Variants in CACNA2D3 observed in about 807,000 individuals in gnomAD.
The protein encoded by CACNA2D3 is calcium voltage-gated channel auxiliary subunit alpha2delta 3, also known as voltage-dependent calcium channel subunit alpha-2/delta-3.
CACNA2D3 carries 60 observed loss-of-function variants against 160.6 expected under a neutral mutation model. The observed-to-expected ratio is 0.37, with a 90% confidence interval of 0.30 to 0.46. The LOEUF (loss-of-function observed/expected upper bound fraction) is 0.46. CACNA2D3 is among the 20% of genes least tolerant of loss of function. The pLI is 1.00. For missense variants in CACNA2D3, 1,205 were observed against 1,365.0 expected (o/e 0.88, Z 1.85); for synonymous variants, 558 against 492.9 (o/e 1.13, Z -1.75).
At chr3:54,616,132 C>G (rs1289490751) in intron 9 of CACNA2D3, among the ~76,000 whole-genome samples, 1 of 152,154 alleles carries the variant, frequency 6.6e-6, no homozygotes, top group Admixed American at 6.6e-5. Context: ...AAACAACAAA[C>G]ATTTATTATC....
intron 3 of CACNA2D3, among the ~76,000 whole-genome samples, chr3:54,363,712 A>G (rs1453788143): frequency 6.6e-6 from 1 of 152,196 alleles, no homozygotes; most frequent in Non-Finnish European, 1.5e-5. Context: ...AGTCGTCTCA[A>G]GGTTCTTTGG....
At chr3:54,736,133 A>G (rs1426075320) in intron 11 of CACNA2D3, among the ~76,000 whole-genome samples, 41 of 75,358 alleles carry the variant, frequency 5.4e-4, no homozygotes, top group African/African-American at 1.9e-3. Flanking sequence ...ATATATATGT[A>G]TATATATACA....
intron 9 of CACNA2D3, among the ~76,000 whole-genome samples, chr3:54,588,564 C>T (rs1702804164): frequency 6.6e-6 from 1 of 151,992 alleles, no homozygotes; most frequent in Non-Finnish European, 1.5e-5. Flanking sequence ...AGAATCTACA[C>T]ACAAAAAAAT....
At chr3:54,434,094 C>T (rs1700027600) in intron 4 of CACNA2D3, among the ~76,000 whole-genome samples, 1 of 152,178 alleles carries the variant, frequency 6.6e-6, no homozygotes, top group Non-Finnish European at 1.5e-5. Context: ...TCCATTTCCT[C>T]CTTGGTGGAA....
chr3:54,987,806 T>C (rs901144505), intron 31 of CACNA2D3, 53 bp downstream of exon 31: 3 of 1,367,538 alleles, frequency 2.2e-6, no homozygotes, highest in Non-Finnish European at 3.0e-6. Flanking sequence ...CTAAATAAAA[T>C]AAAACAAGCC....
chr3:54,841,993 A>C (rs1167062980), intron 16 of CACNA2D3, among the ~76,000 whole-genome samples: 1 of 152,230 alleles, frequency 6.6e-6, no homozygotes, highest in Non-Finnish European at 1.5e-5. Context: ...AATGGACAGG[A>C]AGACTGGTTC....
intron 35 of CACNA2D3, among the ~76,000 whole-genome samples, chr3:55,059,460 T>A (rs1033682009): frequency 6.6e-6 from 1 of 152,204 alleles, no homozygotes; most frequent in African/African-American, 2.4e-5. Context: ...TTGTCTGTTC[T>A]GGCTGTGGCT....
At chr3:54,950,759 C>G (rs1200068720) in intron 27 of CACNA2D3, among the ~76,000 whole-genome samples, 1 of 152,154 alleles carries the variant, frequency 6.6e-6, no homozygotes, top group Non-Finnish European at 1.5e-5. Flanking sequence ...GCCTCAGATA[C>G]CAATATCTTG....
Position 54,151,523 on chromosome 3 carries a change from C to A in CACNA2D3, c.204+27929C>A, listed in dbSNP as rs546608602. On this transcript the variant is annotated intron_variant, in intron 2 of 37. Coordinates refer to ENST00000474759, the MANE Select transcript of CACNA2D3 (RefSeq NM_018398.3). ...GGCCTTGGAATTATTGGCCATTCTC[C>A]TGGGCAGTTGTTCTATCTCCTCACC... Among the ~76,000 whole-genome samples, 4 of 152,240 alleles carry A rather than the reference C, an allele frequency of 2.6e-5. No individual in the cohort carries two copies. In the East Asian group the frequency reaches 7.7e-4, roughly 29 times the overall value.
At chr3:55,019,301 C>G (rs1703397307) in intron 35 of CACNA2D3, among the ~76,000 whole-genome samples, 1 of 151,808 alleles carries the variant, frequency 6.6e-6, no homozygotes, top group African/African-American at 2.4e-5. Flanking sequence ...TTATTCTTGG[C>G]TCTTTACTCT....
chr3:54,826,767 A>C (rs1282607726), intron 14 of CACNA2D3, among the ~76,000 whole-genome samples: 1 of 151,570 alleles, frequency 6.6e-6, no homozygotes, highest in East Asian at 1.9e-4. Context: ...CTGCTTTCAT[A>C]TTATTTAACT....
At chr3:54,315,536 C>T (rs557784119) in intron 2 of CACNA2D3, among the ~76,000 whole-genome samples, 17 of 152,296 alleles carry the variant, frequency 1.1e-4, no homozygotes, top group African/African-American at 4.1e-4. Context: ...CCCTCAGTCA[C>T]CTACCCCTCT....
chr3:54,652,381 G>A (rs1309562934), intron 11 of CACNA2D3, among the ~76,000 whole-genome samples: 1 of 152,202 alleles, frequency 6.6e-6, no homozygotes, highest in African/African-American at 2.4e-5. Flanking sequence ...ACATAGAGCA[G>A]ATAACAGATC....
rs530646381 is a variant in CACNA2D3 at position 54,299,275 on chromosome 3, C to T, written c.205-21167C>T. On this transcript the variant is annotated intron_variant, in intron 2 of 37. Transcript: ENST00000474759. ...CATAGCAGAGGCAGGGAGGAGGGTA[C>T]AGGGCCCCACACCACACTCCTGGTC... Among the ~76,000 whole-genome samples the T allele has an allele frequency of 3.3e-5, 5 of 151,924 alleles. No individual in the cohort carries two copies. In the East Asian group the frequency reaches 9.7e-4, roughly 29 times the overall value.
intron 5 of CACNA2D3, among the ~76,000 whole-genome samples, chr3:54,551,038 A>G (rs764307441): frequency 2.4e-4 from 36 of 152,056 alleles, no homozygotes; most frequent in Non-Finnish European, 5.3e-4. Flanking sequence ...TGCTCTCTCA[A>G]TGGCAAAGGA....
At chr3:54,539,593 A>G (rs963744036) in intron 5 of CACNA2D3, among the ~76,000 whole-genome samples, 1 of 152,178 alleles carries the variant, frequency 6.6e-6, no homozygotes, top group African/African-American at 2.4e-5. Flanking sequence ...TCTCAATCTC[A>G]GTTGACCAGG....
At chr3:54,891,131 G>A (rs944770112) in intron 24 of CACNA2D3, among the ~76,000 whole-genome samples, 2 of 150,948 alleles carry the variant, frequency 1.3e-5, no homozygotes, top group Non-Finnish European at 2.9e-5. Flanking sequence ...TTTCCTGCAA[G>A]TATTACTTTG....
chr3:54,879,375 A>G lies in CACNA2D3; in HGVS notation c.1808A>G (p.Asp603Gly). The G allele has an allele frequency of 6.2e-7, 1 of 1,608,630 alleles. No homozygotes were observed. Among genetic ancestry groups the G allele is most frequent in the Non-Finnish European group, 8.5e-7 (1 of 1,178,188 alleles). ...KGKRVLVMTN[D>G]YYYTDIKGTP... ...AAACGGGTTTTGGTGATGACAAATG[A>G]CTACTATTATACAGACATCAAGGGT... Residue 603 changes from aspartate to glycine, a missense_variant, in exon 20 of 38, where the codon GAC (aspartate) becomes GGC (glycine). By Grantham distance (94) the Asp-to-Gly change is moderately conservative. Around this residue, in one of 3 missense-constraint regions of CACNA2D3, gnomAD observed 911 missense variants for 1,002.2 expected, o/e 0.91. Coordinates refer to ENST00000474759, the MANE Select transcript of CACNA2D3 (RefSeq NM_018398.3).
At chr3:54,475,558 A>T (rs540838833) in intron 4 of CACNA2D3, among the ~76,000 whole-genome samples, 2 of 152,166 alleles carry the variant, frequency 1.3e-5, no homozygotes, top group Non-Finnish European at 2.9e-5. Flanking sequence ...TCTTCTTGGG[A>T]TGATGGGAGA....
Sources: gnomAD v4.1 joint callset for allele counts (sites outside exome capture counted in the v4.1 genomes callset) on GRCh38, gnomAD v4.1.1 for gene constraint, gnomAD v4.1.1 regional missense constraint, MANE v1.5 for transcripts, NCBI Gene and HGNC (gene_info 2026-07-23, HGNC 2026-07-21) for gene names.